The following PSD3 variants were observed in gnomAD, a reference collection of about 807,000 sequenced individuals.
The protein encoded by PSD3 is pleckstrin and Sec7 domain containing 3.
A neutral mutation model predicts 105.5 loss-of-function variants in PSD3; 49 were observed. That is an observed-to-expected ratio of 0.46 (90% CI 0.37 to 0.59). PSD3 has a LOEUF of 0.59. Among genes scored for constraint, PSD3 ranks in the 20% least tolerant of loss-of-function variants. PSD3 has a pLI of 0.00. For missense variants in PSD3, 1,561 were observed against 1,263.8 expected, an observed-to-expected ratio of 1.24 and a Z score of -3.57; for synonymous variants, 557 against 457.8, an observed-to-expected ratio of 1.22 and a Z score of -2.77.
chr8:19,072,060 C>T (rs1347280375), intron 1 of PSD3, among the ~76,000 whole-genome samples: 1 of 151,576 alleles, frequency 6.6e-6, no homozygotes, highest in African/African-American at 2.4e-5. Flanking sequence ...CATAACTTCA[C>T]TCTTCCAACT....
chr8:19,061,406 A>G lies in PSD3; in HGVS notation c.324+22800T>C, dbSNP rs185209111. On this transcript the variant is annotated intron_variant, in intron 1 of 1. Coordinates refer to the PSD3 transcript ENST00000521475. ...ACGCTATTATTAACAAAATGACTCAACCCACAAGTATGTCGATTGCAAATA... is the reference window on the plus strand; with the variant it reads ...ACGCTATTATTAACAAAATGACTCAGCCCACAAGTATGTCGATTGCAAATA... 3.3e-5 allele frequency among the ~76,000 whole-genome samples: 5 copies of G among 152,312 alleles called. No homozygotes were observed. The East Asian group carries it at 9.6e-4, about 29-fold the overall frequency.
At chr8:19,021,355 T>G (rs924690948) in intron 1 of PSD3, among the ~76,000 whole-genome samples, 17 of 152,198 alleles carry the variant, frequency 1.1e-4, no homozygotes, top group Admixed American at 1.1e-3. Context: ...ATGAAAGAGA[T>G]AGTGCTATAT....
intron 10 of PSD3, among the ~76,000 whole-genome samples, chr8:18,652,008 G>C (rs893783482): frequency 3.3e-5 from 5 of 152,192 alleles, no homozygotes; most frequent in African/African-American, 1.2e-4. Flanking sequence ...AGAATGGCAG[G>C]AGTGAAGAGG....
At chr8:18,670,668 T>C (rs1256072357) in intron 9 of PSD3, among the ~76,000 whole-genome samples, 1 of 152,182 alleles carries the variant, frequency 6.6e-6, no homozygotes, top group Admixed American at 6.5e-5. Context: ...CATTATGATA[T>C]TTAAAGTCAT....
chr8:18,588,127 C>G (rs142586713), intron 12 of PSD3, among the ~76,000 whole-genome samples: 1 of 152,190 alleles, frequency 6.6e-6, no homozygotes, highest in Non-Finnish European at 1.5e-5. Flanking sequence ...ATGCAAAAGT[C>G]TGCTCAGCAG....
intron 9 of PSD3, among the ~76,000 whole-genome samples, chr8:18,689,532 G>A (rs1800852599): frequency 6.6e-6 from 1 of 152,198 alleles, no homozygotes; most frequent in Non-Finnish European, 1.5e-5. Context: ...GGACTGGGGA[G>A]GGAAGAGAGG....
intron 1 of PSD3, among the ~76,000 whole-genome samples, chr8:19,008,246 G>C (rs758348233): frequency 5.9e-5 from 9 of 152,190 alleles, no homozygotes; most frequent in Non-Finnish European, 1.0e-4. Flanking sequence ...ATAAAAATCT[G>C]CCCAAAAGTA....
chr8:18,564,896 T>C (rs930791053), intron 14 of PSD3, among the ~76,000 whole-genome samples: 1 of 152,118 alleles, frequency 6.6e-6, no homozygotes, highest in African/African-American at 2.4e-5. Context: ...TCAGTATCCA[T>C]CTTAAGTCTG....
chr8:18,677,873 G>C (rs575317347), intron 9 of PSD3, among the ~76,000 whole-genome samples: 2 of 152,052 alleles, frequency 1.3e-5, no homozygotes, highest in Non-Finnish European at 2.9e-5. Context: ...AGCCAGGCGT[G>C]GTGGCGGGTG....
chr8:18,988,188 CTTGAA>C (rs71979144), intron 1 of PSD3, among the ~76,000 whole-genome samples: 41,464 of 151,682 alleles, frequency 0.27, 6,345 homozygotes, highest in Non-Finnish European at 0.35. Flanking sequence ...AGAAAAGCTG[CTTGAA>C]TTGAATTCTG....
chr8:19,005,003 G>A (rs773249520), intron 1 of PSD3, among the ~76,000 whole-genome samples: 7 of 151,966 alleles, frequency 4.6e-5, no homozygotes, highest in Admixed American at 1.3e-4. Context: ...TCTCAGGAAC[G>A]TCTTTATCAG....
Position 18,530,901 on chromosome 8 carries a change from T to A in PSD3, c.*4842A>T, listed in dbSNP as rs1799607364. ...TTTAAGTTTAATAAAACAATACCAC[T>A]ATATATACTCTCAACAACTTCATTA... On this transcript the variant is annotated 3_prime_UTR_variant, in exon 16 of 16. Coordinates refer to ENST00000327040, the MANE Select transcript of PSD3 (RefSeq NM_015310.4). The A allele has an allele frequency of 1.3e-5, 2 of 152,218 alleles. No individual in the cohort carries two copies. The highest frequency in any genetic ancestry group is 2.9e-5 in the Non-Finnish European group (2 of 68,046). The allele number at this position is 152,218 out of a possible 1,614,324, so 9.4% of individuals were successfully genotyped here.
intron 9 of PSD3, among the ~76,000 whole-genome samples, chr8:18,724,705 C>G (rs766047772): frequency 6.6e-6 from 1 of 151,940 alleles, no homozygotes; most frequent in South Asian, 2.1e-4. Flanking sequence ...AATGTGGGCA[C>G]GTAATTCCTC....
At chr8:18,971,451 G>T (rs1824647396) in intron 1 of PSD3, among the ~76,000 whole-genome samples, 1 of 152,166 alleles carries the variant, frequency 6.6e-6, no homozygotes, top group Non-Finnish European at 1.5e-5. Flanking sequence ...GGCCCCAAGA[G>T]TCTTCACAAA....
At chr8:19,063,288 G>GT (rs2129477647) in intron 1 of PSD3, among the ~76,000 whole-genome samples, 1 of 152,262 alleles carries the variant, frequency 6.6e-6, no homozygotes, top group Non-Finnish European at 1.5e-5. Flanking sequence ...CAATTTATTA[G>GT]CTAACCAAAA....
intron 10 of PSD3, among the ~76,000 whole-genome samples, chr8:18,643,256 G>A (rs1563413669): frequency 6.6e-6 from 1 of 152,186 alleles, no homozygotes; most frequent in Non-Finnish European, 1.5e-5. Flanking sequence ...CACTCCTGCA[G>A]TAACAACCTT....
chr8:18,793,570 T>C (rs1809948900), intron 8 of PSD3, among the ~76,000 whole-genome samples: 1 of 151,992 alleles, frequency 6.6e-6, no homozygotes, highest in Non-Finnish European at 1.5e-5. Flanking sequence ...ACCAAGGAGA[T>C]AGGAGAGAGG....
chr8:18,683,283 G>A (rs1006329831), intron 9 of PSD3, among the ~76,000 whole-genome samples: 1 of 152,166 alleles, frequency 6.6e-6, no homozygotes, highest in Non-Finnish European at 1.5e-5. Flanking sequence ...AACCTGACAT[G>A]AATGTAGTAT....
At chr8:19,054,646 G>A (rs1828647891) in intron 1 of PSD3, among the ~76,000 whole-genome samples, 1 of 152,098 alleles carries the variant, frequency 6.6e-6, no homozygotes, top group Non-Finnish European at 1.5e-5. Context: ...TTATTCCAAG[G>A]AATTCATATT....
Sources: gnomAD v4.1 joint callset for allele counts (sites outside exome capture counted in the v4.1 genomes callset) on GRCh38, gnomAD v4.1.1 for gene constraint, MANE v1.5 for transcripts, NCBI Gene and HGNC (gene_info 2026-07-23, HGNC 2026-07-21) for gene names.